OR5B3: variants seen among roughly 807,000 people sequenced by gnomAD.
OR5B3 encodes the protein olfactory receptor 5B3.
For missense variants in OR5B3, 430 were observed against 375.4 expected (o/e 1.15, Z -1.20); for synonymous variants, 150 against 135.0 (o/e 1.11, Z -0.77).
In OR5B3 at chr11:58,403,169, C is replaced by A. The variant is rs540834436; in HGVS notation, c.241G>T (p.Ala81Ser). Reference protein sequence around the residue: ...YSSAVTPIVMAGFLIEDKVIS... With the variant: ...YSSAVTPIVMSGFLIEDKVIS... ...ACCTTGTCTTCTATAAGGAATCCAGCCATGACGATGGGAGTGACAGCTGAA... is the reference window on the plus strand; with the variant it reads ...ACCTTGTCTTCTATAAGGAATCCAGACATGACGATGGGAGTGACAGCTGAA... Residue 81 changes from alanine to serine, a missense_variant, in exon 2 of 2, where the codon GCT becomes TCT. Ala to Ser is a moderately conservative substitution (Grantham distance 99). Transcript: ENST00000641865. 7 of 1,613,964 alleles carry A rather than the reference C, an allele frequency of 4.3e-6. No individual in the cohort carries two copies. The Admixed American group carries it at 1.0e-4, about 23-fold the overall frequency.
chr11:58,405,061 C>T (rs114966256), intron 1 of OR5B3, among the ~76,000 whole-genome samples: 1 of 152,250 alleles, frequency 6.6e-6, no homozygotes, highest in African/African-American at 2.4e-5. Context: ...TCTCCATCCT[C>T]TAGTAGTCCA....
Position 58,402,945 on chromosome 11 carries a change from G to A in OR5B3, c.465C>T (p.Ser155=), listed in dbSNP as rs753972846. ...GSYLCGFLNA[S]IHTGDTFSLS... is the part of the protein sequence containing the mutation. ...GACTAAATGTGTCCCCAGTGTGGAT[G>A]GAGGCATTCAGGAAACCACAGAGGT... The change falls in exon 2 of 2, where the codon TCC becomes TCT. Residue 155 remains serine, a synonymous_variant. Transcript: ENST00000641865. 1 of 1,613,662 alleles carries A rather than the reference G, an allele frequency of 6.2e-7. No homozygotes were observed. Among genetic ancestry groups the A allele is most frequent in the Non-Finnish European group, 8.5e-7 (1 of 1,179,746 alleles).
chr11:58,402,939 G>A lies in OR5B3; in HGVS notation c.471C>T (p.His157=). ...AAGAGAGACTAAATGTGTCCCCAGT[G>A]TGGATGGAGGCATTCAGGAAACCAC... ...YLCGFLNASI[H]TGDTFSLSFC... The change falls in exon 2 of 2, where the codon CAC becomes CAT. Residue 157 remains histidine, a synonymous_variant. Coordinates refer to ENST00000641865, the MANE Select transcript of OR5B3 (RefSeq NM_001005469.2). 6.2e-7 allele frequency: 1 copy of A among 1,613,988 alleles called. No homozygotes were observed. The highest frequency in any genetic ancestry group is 8.5e-7 in the Non-Finnish European group (1 of 1,179,872).
At position 58,403,376 on chromosome 11, in the gene OR5B3, G is replaced by T; in HGVS notation, c.34C>A (p.Leu12Ile). ...ENKTEVTQFI[L>I]LGLTNDSELQ... ...TCTGAGTCATTGGTTAGTCCTAGAA[G>T]AATGAATTGTGTTACTTCTGTCTTA... The change falls in exon 2 of 2, where the codon CTT (leucine) becomes ATT (isoleucine). Residue 12 changes from leucine to isoleucine, a missense_variant. Leu to Ile is a conservative substitution (Grantham distance 5). Transcript: ENST00000641865. The T allele has an allele frequency of 1.3e-6, 2 of 1,598,582 alleles. No homozygotes were observed. Among genetic ancestry groups the T allele is most frequent in the South Asian group, 1.1e-5 (1 of 89,238 alleles).
chr11:58,405,894 T>C (rs188905401), intron 1 of OR5B3, among the ~76,000 whole-genome samples: 4 of 152,188 alleles, frequency 2.6e-5, no homozygotes, highest in African/African-American at 4.8e-5. Flanking sequence ...ATATACACCA[T>C]GGAATACTAC....
At chr11:58,406,190 A>T (rs879634639) in intron 1 of OR5B3, among the ~76,000 whole-genome samples, 5 of 134,102 alleles carry the variant, frequency 3.7e-5, no homozygotes, top group African/African-American at 1.1e-4. Flanking sequence ...TGTGTGTGTG[A>T]GAGAGAAAGA....
rs186237275 is a variant in OR5B3 at position 58,406,114 on chromosome 11, G to A, written c.-27+687C>T. 6.1e-3 allele frequency among the ~76,000 whole-genome samples: 921 copies of A among 152,148 alleles called. 7 individuals are homozygous for A. Among genetic ancestry groups the A allele is most frequent in the Admixed American group, 8.2e-3 (125 of 15,284 alleles). ...CCTGACCGCATTTAGCATACACTAT[G>A]TTCTACAACCAATAATAAAAACTTT... On this transcript the variant is annotated intron_variant, in intron 1 of 1. Transcript: ENST00000641865.
rs1855040241 is a variant in OR5B3 at position 58,402,495 on chromosome 11, CT to C, written c.914del (p.Lys305ArgfsTer6). The C allele has an allele frequency of 1.9e-6, 3 of 1,611,984 alleles. No individual in the cohort carries two copies. The highest frequency in any genetic ancestry group is 2.7e-5 in the African/African-American group (2 of 74,856). On this transcript the variant is annotated frameshift_variant, in exon 2 of 2. Transcript: ENST00000641865. LOFTEE classifies it low-confidence loss of function (END_TRUNC). ...CTGACCATCCTACAGACAATTTTGC[CT>C]TCTCAACAACTTTCTTGAATGCACT... ...VKSAFKKVVE[K>X]AKLSVGWSV
At chr11:58,405,293 T>C (rs1209659336) in intron 1 of OR5B3, among the ~76,000 whole-genome samples, 2 of 152,118 alleles carry the variant, frequency 1.3e-5, no homozygotes, top group Non-Finnish European at 2.9e-5. Context: ...ACCCAGTATA[T>C]ACTCAAAAGG....
At chr11:58,404,377 T>C (rs944493858) in intron 1 of OR5B3, among the ~76,000 whole-genome samples, 1 of 81,964 alleles carries the variant, frequency 1.2e-5, no homozygotes, top group Non-Finnish European at 3.0e-5. Context: ...AAATGCTAGA[T>C]GTTAAGCACA....
chr11:58,403,972 G>A (rs539882299), intron 1 of OR5B3, among the ~76,000 whole-genome samples: 1 of 152,130 alleles, frequency 6.6e-6, no homozygotes, highest in African/African-American at 2.4e-5. Flanking sequence ...ATGCTGAATG[G>A]TTCCTAAATC....
intron 1 of OR5B3, among the ~76,000 whole-genome samples, chr11:58,404,979 T>C (rs10896772): frequency 0.33 from 49,977 of 152,030 alleles, 8,285 homozygotes; most frequent in Non-Finnish European, 0.36. Context: ...TGCTGAGGTT[T>C]GGAGTATGGA....
intron 1 of OR5B3, 41 bp from the exon 2 acceptor site, chr11:58,403,476 G>T: frequency 1.2e-6 from 1 of 862,634 alleles, no homozygotes; most frequent in Non-Finnish European, 1.8e-6. Context: ...TAAATAAATT[G>T]AATTAAAATT....
At chr11:58,406,294 G>T (rs1855099527) in intron 1 of OR5B3, among the ~76,000 whole-genome samples, 1 of 152,120 alleles carries the variant, frequency 6.6e-6, no homozygotes. Flanking sequence ...ACTAGTTTGA[G>T]AGTCAAGGTT....
intron 1 of OR5B3, among the ~76,000 whole-genome samples, chr11:58,404,826 A>G (rs977894102): frequency 1.3e-5 from 2 of 152,146 alleles, no homozygotes; most frequent in Non-Finnish European, 2.9e-5. Context: ...GGCAAGTTCC[A>G]TGTGATAAAA....
At position 58,402,761 on chromosome 11, in the gene OR5B3, T is replaced by C. The variant is rs777735801; in HGVS notation, c.649A>G (p.Thr217Ala). Residue 217 changes from threonine (T) to alanine (A), a missense_variant, in exon 2 of 2, where the codon ACA becomes GCA. Transcript: ENST00000641865. ...TTTAGGATGGTGATAAAAATGAATG[T>C]GTAGGATATCAAGATAACCAGGAGA... Reference protein sequence around the residue: ...IALLVILISYTFIFITILKMH... With the variant: ...IALLVILISYAFIFITILKMH... The C allele has an allele frequency of 2.5e-6, 4 of 1,613,790 alleles. No homozygotes were observed. The East Asian group carries it at 8.9e-5, about 36-fold the overall frequency.
At chr11:58,403,947 C>A (rs1855069477) in intron 1 of OR5B3, among the ~76,000 whole-genome samples, 1 of 152,120 alleles carries the variant, frequency 6.6e-6, no homozygotes, top group South Asian at 2.1e-4. Context: ...TGGACCCATA[C>A]CAACTTTTGA....
intron 1 of OR5B3, among the ~76,000 whole-genome samples, chr11:58,404,298 T>A: frequency 6.6e-6 from 1 of 150,608 alleles, no homozygotes; most frequent in Non-Finnish European, 1.5e-5. Flanking sequence ...TTTTCTTCTG[T>A]AACACTAAAA....
intron 1 of OR5B3, among the ~76,000 whole-genome samples, chr11:58,406,031 G>A (rs1003725336): frequency 1.3e-5 from 2 of 151,996 alleles, no homozygotes; most frequent in Non-Finnish European, 2.9e-5. Flanking sequence ...TTAAACACTT[G>A]GCAACTTCAC....
Sources: allele counts gnomAD v4.1 joint callset (sites outside exome capture counted in the v4.1 genomes callset), GRCh38; gene constraint gnomAD v4.1.1; transcripts MANE v1.5; gene names NCBI Gene and HGNC (gene_info 2026-07-23, HGNC 2026-07-21).